SRD5A2: variants seen among roughly 807,000 people sequenced by gnomAD.
SRD5A2 encodes the protein 3-oxo-5-alpha-steroid 4-dehydrogenase 2.
Under a neutral mutation model 27.4 loss-of-function variants are expected in SRD5A2, and 30 were observed. The observed-to-expected ratio is 1.10, with a 90% confidence interval of 0.82 to 1.49. The LOEUF is 1.49. SRD5A2 is among the 40% of genes most tolerant of loss of function. The probability of loss-of-function intolerance (pLI) is 0.00; values close to 1 mark genes in which losing one functional copy is unlikely to be tolerated. For missense variants in SRD5A2, 348 were observed against 323.4 expected (o/e 1.08, Z -0.58); for synonymous variants, 141 against 133.6 (o/e 1.06, Z -0.38).
the SRD5A2 span, among the ~76,000 whole-genome samples, chr2:31,612,622 G>T: frequency 1.3e-3 from 199 of 152,246 alleles, no homozygotes; most frequent in African/African-American, 4.5e-3. Context: ...AATGCAATTT[G>T]TATTGGAATT....
intron 1 of SRD5A2, among the ~76,000 whole-genome samples, chr2:31,536,775 T>A (rs1204381997): frequency 1.3e-5 from 2 of 152,192 alleles, no homozygotes; most frequent in Non-Finnish European, 2.9e-5. Flanking sequence ...TGGCAATTGG[T>A]GCTGTAGAGT....
At chr2:31,535,520 T>G (rs1462086636) in intron 1 of SRD5A2, among the ~76,000 whole-genome samples, 3 of 152,166 alleles carry the variant, frequency 2.0e-5, no homozygotes, top group Non-Finnish European at 4.4e-5. Context: ...TAATGGACTA[T>G]GAGGATCTTT....
the SRD5A2 span, among the ~76,000 whole-genome samples, chr2:31,648,662 A>C: frequency 6.6e-6 from 1 of 152,230 alleles, no homozygotes. Context: ...TTCAGTTCAC[A>C]TTCCTCAGAA....
chr2:31,650,657 A>C, the SRD5A2 span, among the ~76,000 whole-genome samples: 18 of 152,214 alleles, frequency 1.2e-4, 1 homozygote, highest in African/African-American at 3.1e-4. Flanking sequence ...CACATGTTAC[A>C]TGCTCTAGTT....
chr2:31,619,211 G>A, the SRD5A2 span, among the ~76,000 whole-genome samples: 1 of 152,120 alleles, frequency 6.6e-6, no homozygotes. Context: ...TACACTGTTA[G>A]TGGGGATGTA....
At chr2:31,617,330 G>A in the SRD5A2 span, among the ~76,000 whole-genome samples, 1 of 152,058 alleles carries the variant, frequency 6.6e-6, no homozygotes, top group South Asian at 2.1e-4. Context: ...ACACAGGAGG[G>A]GGCCCCTGGG....
intron 1 of SRD5A2, among the ~76,000 whole-genome samples, chr2:31,557,693 T>G (rs1346038787): frequency 6.6e-6 from 1 of 152,222 alleles, no homozygotes; most frequent in Non-Finnish European, 1.5e-5. Flanking sequence ...TGGTCAACTC[T>G]GGTCTGGATA....
intron 1 of SRD5A2, among the ~76,000 whole-genome samples, chr2:31,573,233 T>C (rs554057415): frequency 1.3e-5 from 2 of 152,312 alleles, no homozygotes; most frequent in Admixed American, 6.5e-5. Flanking sequence ...CAAAATGAGA[T>C]AGCCAATGCA....
chr2:31,554,512 C>T (rs894583024), intron 1 of SRD5A2, among the ~76,000 whole-genome samples: 8 of 152,152 alleles, frequency 5.3e-5, no homozygotes, highest in Admixed American at 5.2e-4. Context: ...CCAGGGAACA[C>T]TGCCTCAGGA....
chr2:31,650,874 G>C, the SRD5A2 span, among the ~76,000 whole-genome samples: 1 of 152,148 alleles, frequency 6.6e-6, no homozygotes, highest in Non-Finnish European at 1.5e-5. Flanking sequence ...TACAAAAGGT[G>C]CTAGCAATGT....
the SRD5A2 span, among the ~76,000 whole-genome samples, chr2:31,603,769 T>C: frequency 2.0e-5 from 3 of 151,822 alleles, no homozygotes; most frequent in East Asian, 3.9e-4. Flanking sequence ...TGGAAACCAT[T>C]ATCCTCAGCA....
At chr2:31,531,957 G>A (rs1665917776) in intron 2 of SRD5A2, among the ~76,000 whole-genome samples, 1 of 152,226 alleles carries the variant, frequency 6.6e-6, no homozygotes. Flanking sequence ...TCTTGGTTGG[G>A]GGACTTCCTT....
the SRD5A2 span, among the ~76,000 whole-genome samples, chr2:31,652,395 T>G: frequency 6.6e-6 from 1 of 152,122 alleles, no homozygotes; most frequent in African/African-American, 2.4e-5. Flanking sequence ...TTGGTCAAAA[T>G]ATGCACTCAG....
the SRD5A2 span, among the ~76,000 whole-genome samples, chr2:31,658,174 C>G: frequency 1.3e-5 from 2 of 151,986 alleles, no homozygotes; most frequent in Non-Finnish European, 2.9e-5. Context: ...TTCTTTGAAG[C>G]AAATGAAAAC....
At chr2:31,631,779 T>C in the SRD5A2 span, among the ~76,000 whole-genome samples, 3 of 152,150 alleles carry the variant, frequency 2.0e-5, no homozygotes, top group Admixed American at 1.3e-4. Context: ...AGGTCAATGA[T>C]AGGATGACAA....
At chr2:31,531,227 G>A (rs2148064960) in intron 3 of SRD5A2, 144 bp downstream of exon 3, 1 of 604,426 alleles carries the variant, frequency 1.7e-6, no homozygotes, top group Admixed American at 3.0e-5. Context: ...TGATGGGACT[G>A]GGTTTGCAGG....
intron 3 of SRD5A2, among the ~76,000 whole-genome samples, chr2:31,530,291 A>C (rs1264908732): frequency 2.0e-5 from 3 of 152,194 alleles, no homozygotes; most frequent in Non-Finnish European, 4.4e-5. Flanking sequence ...ACTGGTTTTC[A>C]AGTGCTTTCT....
At chr2:31,537,859 G>A (rs536153906) in intron 1 of SRD5A2, among the ~76,000 whole-genome samples, 1 of 152,262 alleles carries the variant, frequency 6.6e-6, no homozygotes, top group South Asian at 2.1e-4. Context: ...ACTTGAGGGA[G>A]TGGATTTGTT....
intron 3 of SRD5A2, among the ~76,000 whole-genome samples, chr2:31,530,390 G>T (rs564486900): frequency 6.6e-6 from 1 of 152,100 alleles, no homozygotes; most frequent in South Asian, 2.1e-4. Context: ...ATGAGACTGC[G>T]TCAGTGGTTC....
Sources: allele counts gnomAD v4.1 joint callset (sites outside exome capture counted in the v4.1 genomes callset), GRCh38; gene constraint gnomAD v4.1.1; transcripts MANE v1.5; gene names NCBI Gene and HGNC (gene_info 2026-07-23, HGNC 2026-07-21).